Variants in ASAP1 observed in about 807,000 individuals in gnomAD.
The protein encoded by ASAP1 is ArfGAP with SH3 domain, ankyrin repeat and PH domain 1.
Under a neutral mutation model 145.2 loss-of-function variants are expected in ASAP1, and 43 were observed. The observed-to-expected ratio is 0.30, with a 90% CI of 0.23 to 0.38. ASAP1 has a LOEUF of 0.38. Among genes scored for constraint, ASAP1 ranks in the 10% least tolerant of loss-of-function variants. The probability of loss-of-function intolerance (pLI) is 1.00; values close to 1 mark genes in which losing one functional copy is unlikely to be tolerated. For synonymous variants in ASAP1, 546 were observed against 515.5 expected, an observed-to-expected ratio of 1.06 and a Z score of -0.80; for missense variants, 1,018 against 1,355.3, an observed-to-expected ratio of 0.75 and a Z score of 3.91.
intron 26 of ASAP1, among the ~76,000 whole-genome samples, chr8:130,078,486 A>G (rs920416006): frequency 5.3e-5 from 8 of 151,760 alleles, no homozygotes; most frequent in Non-Finnish European, 7.4e-5. Context: ...AGGTCTTGCT[A>G]TGTTGCCCAG....
At chr8:130,242,589 T>C (rs1189023300) in intron 3 of ASAP1, among the ~76,000 whole-genome samples, 1 of 152,088 alleles carries the variant, frequency 6.6e-6, no homozygotes, top group African/African-American at 2.4e-5. Context: ...TAATTAACAC[T>C]TGCATAAGAG....
At chr8:130,299,699 A>G (rs902744348) in intron 3 of ASAP1, among the ~76,000 whole-genome samples, 6 of 152,222 alleles carry the variant, frequency 3.9e-5, no homozygotes, top group Non-Finnish European at 8.8e-5. Flanking sequence ...AGAGATCAAG[A>G]AGACAAAAAT....
chr8:130,300,416 A>G (rs1425165093), intron 3 of ASAP1, among the ~76,000 whole-genome samples: 1 of 151,674 alleles, frequency 6.6e-6, no homozygotes, highest in East Asian at 1.9e-4. Context: ...CAAGGTAAAA[A>G]CTCTCTGCCT....
chr8:130,281,205 C>G (rs973790457), intron 3 of ASAP1, among the ~76,000 whole-genome samples: 2 of 152,110 alleles, frequency 1.3e-5, no homozygotes, highest in African/African-American at 4.8e-5. Flanking sequence ...TGTACCCCCT[C>G]ACAAAGGATG....
intron 18 of ASAP1, among the ~76,000 whole-genome samples, chr8:130,121,400 T>TC (rs2097565579): frequency 6.6e-6 from 1 of 152,290 alleles, no homozygotes; most frequent in South Asian, 2.1e-4. Context: ...GTAGCACCTG[T>TC]CCAAGTCATG....
chr8:130,296,101 C>A (rs190930124), intron 3 of ASAP1, among the ~76,000 whole-genome samples: 22 of 152,256 alleles, frequency 1.4e-4, no homozygotes, highest in Admixed American at 5.2e-4. Context: ...GCATAGTGAC[C>A]TTTAACTCTC....
intron 2 of ASAP1, among the ~76,000 whole-genome samples, chr8:130,376,521 T>TTTG (rs1827501040): frequency 6.6e-6 from 1 of 151,934 alleles, no homozygotes; most frequent in Admixed American, 6.6e-5. Flanking sequence ...AGGTCAGGAG[T>TTTG]GCCAGACCAG....
At chr8:130,419,175 C>T (rs1039953521) in intron 1 of ASAP1, among the ~76,000 whole-genome samples, 1 of 152,176 alleles carries the variant, frequency 6.6e-6, no homozygotes, top group Non-Finnish European at 1.5e-5. Flanking sequence ...CCAAGGACTC[C>T]CCAAGGACAC....
chr8:130,058,792 A>G (rs1244401948), intron 28 of ASAP1, among the ~76,000 whole-genome samples: 1 of 152,148 alleles, frequency 6.6e-6, no homozygotes, highest in East Asian at 1.9e-4. Context: ...TTTTGGGTGG[A>G]GTGCCTCTTC....
intron 4 of ASAP1, among the ~76,000 whole-genome samples, chr8:130,226,124 C>T (rs1166318401): frequency 6.6e-6 from 1 of 151,538 alleles, no homozygotes; most frequent in Non-Finnish European, 1.5e-5. Context: ...GCAATTCTCT[C>T]GCCTCAGCCT....
intron 27 of ASAP1, among the ~76,000 whole-genome samples, chr8:130,061,897 A>AT (rs1336345396): frequency 6.6e-6 from 1 of 152,222 alleles, no homozygotes; most frequent in African/African-American, 2.4e-5. Context: ...GGTACTTAGA[A>AT]AACTATGGAC....
At chr8:130,354,976 C>T (rs1826219332) in intron 3 of ASAP1, among the ~76,000 whole-genome samples, 1 of 152,238 alleles carries the variant, frequency 6.6e-6, no homozygotes, top group African/African-American at 2.4e-5. Context: ...ACCTCGGCCT[C>T]CCGGGTTCAT....
chr8:130,129,510 A>G (rs2097580055), intron 15 of ASAP1, among the ~76,000 whole-genome samples: 3 of 152,242 alleles, frequency 2.0e-5, no homozygotes, highest in Admixed American at 2.0e-4. Context: ...AGAAAATAAA[A>G]AACATTTCCA....
At chr8:130,422,177 C>T (rs2138712958) in intron 1 of ASAP1, among the ~76,000 whole-genome samples, 1 of 152,184 alleles carries the variant, frequency 6.6e-6, no homozygotes, top group Admixed American at 6.5e-5. Context: ...CCAACCTGAG[C>T]CACAGTGTGG....
At chr8:130,085,889 C>T (rs1218636248) in intron 25 of ASAP1, among the ~76,000 whole-genome samples, 1 of 152,170 alleles carries the variant, frequency 6.6e-6, no homozygotes, top group African/African-American at 2.4e-5. Context: ...CTGGATTCAT[C>T]ACAGAAGCAG....
intron 13 of ASAP1, among the ~76,000 whole-genome samples, chr8:130,151,396 A>G (rs1586452233): frequency 1.7e-5 from 2 of 114,708 alleles, no homozygotes; most frequent in Admixed American, 8.3e-5. Context: ...AAAAAAAAAA[A>G]AAAAAAAAAA....
At chr8:130,219,161 A>G (rs972329282) in intron 4 of ASAP1, among the ~76,000 whole-genome samples, 11 of 146,972 alleles carry the variant, frequency 7.5e-5, no homozygotes, top group Non-Finnish European at 9.1e-5. Flanking sequence ...GATGTCTGTA[A>G]TATCAAACAG....
chr8:130,403,886 T>G (rs773620785), intron 1 of ASAP1, among the ~76,000 whole-genome samples: 1 of 152,162 alleles, frequency 6.6e-6, no homozygotes, highest in Non-Finnish European at 1.5e-5. Context: ...TGGAACATGC[T>G]GCAGTTGTTC....
At chr8:130,101,577 CTTTTT>C (rs952276819) in intron 24 of ASAP1, among the ~76,000 whole-genome samples, 2 of 149,854 alleles carry the variant, frequency 1.3e-5, no homozygotes, top group African/African-American at 4.9e-5. Flanking sequence ...CTCAATTTTT[CTTTTT>C]TTTTCTGAGA....
Sources: allele counts gnomAD v4.1 joint callset (sites outside exome capture counted in the v4.1 genomes callset), GRCh38; gene constraint gnomAD v4.1.1; transcripts MANE v1.5; gene names NCBI Gene and HGNC (gene_info 2026-07-23, HGNC 2026-07-21).